MMP26: variants seen among roughly 807,000 people sequenced by gnomAD.
The protein encoded by MMP26 is matrix metalloproteinase-26.
In MMP26, 33 loss-of-function variants were observed where a neutral mutation model predicts 31.0. The ratio of observed to expected loss-of-function variants is 1.06; its 90% CI spans 0.81 to 1.42. The LOEUF is 1.42. Among genes scored for constraint, MMP26 ranks in the 40% most tolerant of loss-of-function variants. MMP26 has a pLI of 0.00. For synonymous variants in MMP26, 122 were observed against 114.9 expected, an observed-to-expected ratio of 1.06 and a Z score of -0.40; for missense variants, 347 against 316.1, an observed-to-expected ratio of 1.10 and a Z score of -0.74.
rs545487139 is a variant in MMP26 at position 4,849,270 on chromosome 11, G to A, written c.-145+81929G>A. 51 of 1,527,166 alleles carry A rather than the reference G, an allele frequency of 3.3e-5. No individual in the cohort carries two copies. The Middle Eastern group carries it at 1.5e-3, about 44-fold the overall frequency. 94.6% of individuals were successfully genotyped at this position (1,527,166 alleles called of 1,614,324 possible). ...AATGATTAGAAAGGTTTACTTAATC[G>A]CGTGCCAAATTTGCATGAAACGTTC... On this transcript the variant is annotated intron_variant, in intron 2 of 7. Coordinates refer to ENST00000380390, the MANE Select transcript of MMP26 (RefSeq NM_021801.5).
At chr11:4,851,449 A>T (rs780171197) in intron 2 of MMP26, among the ~76,000 whole-genome samples, 1 of 152,196 alleles carries the variant, frequency 6.6e-6, no homozygotes, top group Non-Finnish European at 1.5e-5. Context: ...AAATAAAACC[A>T]GATGGTAACT....
At chr11:4,872,705 T>A (rs1850327386) in intron 2 of MMP26, among the ~76,000 whole-genome samples, 1 of 151,876 alleles carries the variant, frequency 6.6e-6, no homozygotes, top group South Asian at 2.1e-4. Flanking sequence ...TCTGCCTGGG[T>A]GGAAGAGTAT....
intron 2 of MMP26, among the ~76,000 whole-genome samples, chr11:4,825,183 T>C (rs1849563502): frequency 1.3e-5 from 2 of 152,116 alleles, no homozygotes; most frequent in South Asian, 4.1e-4. Context: ...CTTTGAAAAG[T>C]AAGAAGGGAT....
intron 2 of MMP26, among the ~76,000 whole-genome samples, chr11:4,961,448 A>G (rs1846519740): frequency 6.6e-6 from 1 of 152,186 alleles, no homozygotes; most frequent in Non-Finnish European, 1.5e-5. Flanking sequence ...CCTCACGGAC[A>G]CATCCAAAAT....
chr11:4,822,182 AC>A, intron 2 of MMP26: 1 of 1,605,726 alleles, frequency 6.2e-7, no homozygotes. Context: ...TCCATCTTCT[AC>A]CTCCCTCTCA....
At chr11:4,985,898 G>A (rs551058047) in intron 2 of MMP26, among the ~76,000 whole-genome samples, 2 of 152,188 alleles carry the variant, frequency 1.3e-5, no homozygotes, top group African/African-American at 4.8e-5. Flanking sequence ...CATGACAGAG[G>A]CAACCACTAT....
chr11:4,834,474 T>A (rs542359388), intron 2 of MMP26, among the ~76,000 whole-genome samples: 1 of 152,196 alleles, frequency 6.6e-6, no homozygotes, highest in African/African-American at 2.4e-5. Context: ...ATTTACTACA[T>A]CAGGGTCCAG....
At chr11:4,781,870 C>A (rs1848869009) in intron 2 of MMP26, among the ~76,000 whole-genome samples, 1 of 152,052 alleles carries the variant, frequency 6.6e-6, no homozygotes, top group Non-Finnish European at 1.5e-5. Flanking sequence ...TAAGGGGAAA[C>A]CCTTTTTGTT....
At chr11:4,847,553 G>A (rs911257343) in intron 2 of MMP26, 5 of 152,138 alleles carry the variant, frequency 3.3e-5, no homozygotes, top group African/African-American at 1.2e-4. Context: ...ATCAGATCAG[G>A]GTGATTAGCA....
chr11:4,906,571 T>C (rs1850892408), intron 2 of MMP26, among the ~76,000 whole-genome samples: 1 of 152,228 alleles, frequency 6.6e-6, no homozygotes, highest in African/African-American at 2.4e-5. Context: ...ATTTACTTTA[T>C]AGCATCTAAT....
intron 2 of MMP26, among the ~76,000 whole-genome samples, chr11:4,773,509 A>T (rs12791402): frequency 0.095 from 14,408 of 152,164 alleles, 846 homozygotes; most frequent in Middle Eastern, 0.15. Flanking sequence ...TAAGGCTTCA[A>T]ATGAGACACA....
At chr11:4,908,675 A>T in intron 2 of MMP26, 1 of 290,340 alleles carries the variant, frequency 3.4e-6, no homozygotes, top group Middle Eastern at 1.2e-3. Flanking sequence ...TCATACTGTC[A>T]AGGAAAGGTA....
At chr11:4,748,012 G>C (rs1001930984) in intron 1 of MMP26, among the ~76,000 whole-genome samples, 1 of 151,636 alleles carries the variant, frequency 6.6e-6, no homozygotes. Context: ...ATTAAAAGGT[G>C]GTTCTTTGAA....
chr11:4,858,196 A>G (rs143424655), intron 2 of MMP26, among the ~76,000 whole-genome samples: 14,571 of 152,150 alleles, frequency 0.096, 895 homozygotes, highest in Middle Eastern at 0.18. Flanking sequence ...CACCACTCCT[A>G]TTCAACATAG....
At chr11:4,781,686 T>C (rs969977084) in intron 2 of MMP26, among the ~76,000 whole-genome samples, 2 of 147,678 alleles carry the variant, frequency 1.4e-5, no homozygotes, top group Admixed American at 1.4e-4. Context: ...TTGTATAAAA[T>C]ACCACCCTGA....
chr11:4,706,365 G>T (rs1451205333), intron 1 of MMP26, among the ~76,000 whole-genome samples: 2 of 151,568 alleles, frequency 1.3e-5, no homozygotes, highest in African/African-American at 4.9e-5. Context: ...TTCAAGACCA[G>T]CCTGGGCAAC....
chr11:4,964,529 AG>A (rs1483090640), intron 2 of MMP26, among the ~76,000 whole-genome samples: 1 of 152,136 alleles, frequency 6.6e-6, no homozygotes, highest in Non-Finnish European at 1.5e-5. Context: ...AAAGACCTAG[AG>A]GCAAAAATAT....
At chr11:4,721,372 T>G (rs1293378687) in intron 1 of MMP26, among the ~76,000 whole-genome samples, 1 of 152,130 alleles carries the variant, frequency 6.6e-6, no homozygotes, top group Non-Finnish European at 1.5e-5. Flanking sequence ...TAGTTGACAA[T>G]TTTGGGGTAT....
At chr11:4,964,895 C>T (rs117253187) in intron 2 of MMP26, among the ~76,000 whole-genome samples, 1 of 152,176 alleles carries the variant, frequency 6.6e-6, no homozygotes, top group Non-Finnish European at 1.5e-5. Context: ...TGCAGGGGAA[C>T]AACACACACT....
Sources: gnomAD v4.1 joint callset for allele counts (sites outside exome capture counted in the v4.1 genomes callset) on GRCh38, gnomAD v4.1.1 for gene constraint, MANE v1.5 for transcripts, NCBI Gene and HGNC (gene_info 2026-07-23, HGNC 2026-07-21) for gene names.